RORA: variants seen among roughly 807,000 people sequenced by gnomAD.
The protein encoded by RORA is RAR related orphan receptor A, also known as nuclear receptor ROR-alpha.
Under a neutral mutation model 69.5 loss-of-function variants are expected in RORA, and 7 were observed. That is an observed-to-expected ratio of 0.10 (90% confidence interval 0.06 to 0.19). The LOEUF (loss-of-function observed/expected upper bound fraction) is 0.19, where lower values mean the gene tolerates loss of function less well. Ranked by LOEUF, RORA falls within the 10% of genes least tolerant of loss-of-function variation. The probability of loss-of-function intolerance (pLI) is 1.00; values close to 1 mark genes in which losing one functional copy is unlikely to be tolerated. For missense variants in RORA, 457 were observed against 663.0 expected (o/e 0.69, Z 3.41); for synonymous variants, 261 against 240.8 (o/e 1.08, Z -0.78).
intron 1 of RORA, among the ~76,000 whole-genome samples, chr15:60,862,624 G>A (rs756341013): frequency 1.3e-5 from 2 of 152,216 alleles, no homozygotes; most frequent in African/African-American, 4.8e-5. Context: ...TGGAGAGTGG[G>A]AGGTGTATTT....
intron 2 of RORA, among the ~76,000 whole-genome samples, chr15:60,608,764 C>T (rs980000): frequency 0.11 from 16,175 of 152,064 alleles, 1,686 homozygotes; most frequent in African/African-American, 0.27. Flanking sequence ...ATTCCTGCCA[C>T]GAGAGATAAT....
rs145919246 is a variant in RORA, at chr15:60,729,339, T to A, written c.167-50653A>T. Among the ~76,000 whole-genome samples the A allele has an allele frequency of 1.8e-3, 277 of 152,312 alleles. 1 individual carries two copies. The highest frequency in any genetic ancestry group is 6.6e-3 in the African/African-American group (273 of 41,574). On this transcript the variant is annotated intron_variant, in intron 1 of 10. Coordinates refer to ENST00000335670, the MANE Select transcript of RORA (RefSeq NM_134261.3). ...CCTTACTCCAACCTCCAGTGATACA[T>A]ATTTTAAAAGAGTGTCCTGGAGATG...
intron 1 of RORA, among the ~76,000 whole-genome samples, chr15:60,879,567 A>T (rs2073656269): frequency 6.6e-6 from 1 of 152,334 alleles, no homozygotes; most frequent in Admixed American, 6.5e-5. Context: ...AGAACTGTAC[A>T]TTTATATGAT....
intron 1 of RORA, among the ~76,000 whole-genome samples, chr15:60,972,141 T>A (rs891257462): frequency 3.9e-5 from 6 of 152,098 alleles, no homozygotes; most frequent in African/African-American, 1.4e-4. Context: ...ATTGGAGTAG[T>A]GGGAAAAAAC....
chr15:60,587,510 C>T (rs1236657137), intron 2 of RORA, among the ~76,000 whole-genome samples: 1 of 152,134 alleles, frequency 6.6e-6, no homozygotes, highest in Non-Finnish European at 1.5e-5. Context: ...AAAAGCTAGG[C>T]TATAACGCAA....
chr15:60,587,122 C>T (rs963443193), intron 2 of RORA, among the ~76,000 whole-genome samples: 1 of 152,158 alleles, frequency 6.6e-6, no homozygotes, highest in Non-Finnish European at 1.5e-5. Context: ...TCAATTCTAT[C>T]ATAATGGCGA....
At chr15:60,853,883 C>G (rs979427014) in intron 1 of RORA, among the ~76,000 whole-genome samples, 1 of 152,186 alleles carries the variant, frequency 6.6e-6, no homozygotes, top group Non-Finnish European at 1.5e-5. Flanking sequence ...ATGTTTTCAT[C>G]TGGAAATTTA....
intron 2 of RORA, among the ~76,000 whole-genome samples, chr15:60,673,360 T>C (rs1241593288): frequency 6.6e-6 from 1 of 152,222 alleles, no homozygotes; most frequent in African/African-American, 2.4e-5. Flanking sequence ...AGAGAAATCC[T>C]GTTAAGCTTA....
At chr15:60,565,791 G>C (rs1432356366) in intron 2 of RORA, among the ~76,000 whole-genome samples, 3 of 152,104 alleles carry the variant, frequency 2.0e-5, no homozygotes, top group South Asian at 4.1e-4. Flanking sequence ...AATTGATAAA[G>C]TCAACACATC....
At chr15:60,590,595 A>G (rs1026231720) in intron 2 of RORA, among the ~76,000 whole-genome samples, 1 of 152,136 alleles carries the variant, frequency 6.6e-6, no homozygotes, top group Admixed American at 6.5e-5. Flanking sequence ...AGCAAAATCA[A>G]TTTTATAATT....
chr15:60,713,868 G>T (rs960095991), intron 1 of RORA, among the ~76,000 whole-genome samples: 1 of 152,154 alleles, frequency 6.6e-6, no homozygotes, highest in Admixed American at 6.5e-5. Flanking sequence ...GATCTGCAAC[G>T]CAGAGTAACA....
intron 1 of RORA, among the ~76,000 whole-genome samples, chr15:61,222,646 T>C (rs1400522804): frequency 6.6e-6 from 1 of 152,308 alleles, no homozygotes; most frequent in East Asian, 1.9e-4. Context: ...ATATCAAAGA[T>C]AATCACAAGA....
chr15:60,652,102 C>G (rs1413586328), intron 2 of RORA, among the ~76,000 whole-genome samples: 6 of 151,522 alleles, frequency 4.0e-5, no homozygotes, highest in African/African-American at 1.5e-4. Flanking sequence ...TGCTAGGTAG[C>G]AGACTGCCTT....
intron 1 of RORA, among the ~76,000 whole-genome samples, chr15:60,779,315 G>A (rs898086779): frequency 6.6e-6 from 1 of 152,048 alleles, no homozygotes; most frequent in African/African-American, 2.4e-5. Flanking sequence ...CAGTTTTCTG[G>A]CCAGAAAGAA....
intron 1 of RORA, among the ~76,000 whole-genome samples, chr15:60,817,331 A>G (rs1317431281): frequency 6.6e-6 from 1 of 152,232 alleles, no homozygotes; most frequent in Non-Finnish European, 1.5e-5. Context: ...TGTCTAAAAT[A>G]CTTTATTGCT....
chr15:61,134,122 G>A (rs2079215673), intron 1 of RORA, among the ~76,000 whole-genome samples: 1 of 152,158 alleles, frequency 6.6e-6, no homozygotes, highest in African/African-American at 2.4e-5. Context: ...TTGGGACTCA[G>A]GATGAGCACC....
At chr15:61,047,375 T>C (rs767718749) in intron 1 of RORA, among the ~76,000 whole-genome samples, 4 of 152,250 alleles carry the variant, frequency 2.6e-5, no homozygotes, top group Admixed American at 6.5e-5. Flanking sequence ...AGTTTTCTCA[T>C]TCTATACTCA....
intron 1 of RORA, among the ~76,000 whole-genome samples, chr15:61,070,858 C>G (rs939588404): frequency 6.6e-6 from 1 of 151,962 alleles, no homozygotes; most frequent in Non-Finnish European, 1.5e-5. Context: ...GCAGGGGAGC[C>G]CAAAAGCATG....
chr15:60,549,736 T>A (rs574388328), intron 2 of RORA, among the ~76,000 whole-genome samples: 4 of 152,090 alleles, frequency 2.6e-5, no homozygotes, highest in African/African-American at 9.7e-5. Context: ...ATAACGTCAC[T>A]CTCCACCCCC....
Sources: allele counts gnomAD v4.1 joint callset (sites outside exome capture counted in the v4.1 genomes callset), GRCh38; gene constraint gnomAD v4.1.1; transcripts MANE v1.5; gene names NCBI Gene and HGNC (gene_info 2026-07-23, HGNC 2026-07-21).